The following DTWD2 variants were observed in gnomAD, a reference collection of about 807,000 sequenced individuals.
DTWD2 encodes tRNA-uridine aminocarboxypropyltransferase 2.
Under a neutral mutation model 31.8 loss-of-function variants are expected in DTWD2, and 39 were observed. That is an observed-to-expected ratio of 1.22 (90% CI 0.95 to 1.60). The LOEUF is 1.60. DTWD2 is among the 40% of genes most tolerant of loss of function. The pLI, the probability that DTWD2 is intolerant of heterozygous loss-of-function variation, is 0.00. For synonymous variants in DTWD2, 180 were observed against 142.8 expected, an observed-to-expected ratio of 1.26 and a Z score of -1.86; for missense variants, 515 against 381.5, an observed-to-expected ratio of 1.35 and a Z score of -2.92.
chr5:118,988,543 A>T lies in DTWD2; in HGVS notation c.-32T>A. 7 of 1,477,586 alleles carry T rather than the reference A, an allele frequency of 4.7e-6. No individual in the cohort carries two copies. The highest frequency in any genetic ancestry group is 6.3e-6 in the Non-Finnish European group (7 of 1,117,124). The allele number at this position is 1,477,586 out of a possible 1,614,324, so 91.5% of individuals were successfully genotyped here. On this transcript the variant is annotated 5_prime_UTR_variant, in exon 1 of 6. Transcript: ENST00000510708. ...CACTCCGGTCAGGCCGTGGCATTGA[A>T]GCCCGGCTGCCGCCGGGGGGCGCCA...
chr5:118,973,531 G>A (rs949283134), intron 1 of DTWD2, among the ~76,000 whole-genome samples: 1 of 152,116 alleles, frequency 6.6e-6, no homozygotes. Context: ...TTTGGCTGGA[G>A]ATGAAATTCT....
chr5:118,925,009 T>C (rs1753779492), intron 4 of DTWD2, among the ~76,000 whole-genome samples: 1 of 152,200 alleles, frequency 6.6e-6, no homozygotes, highest in Non-Finnish European at 1.5e-5. Context: ...TTTTTTAGAA[T>C]TGTGTTATGT....
rs764449614 is a variant in DTWD2, at chr5:118,988,260, C to G, written c.218+34G>C. 1.3e-4 allele frequency: 203 copies of G among 1,530,322 alleles called. 1 individual carries two copies. In the East Asian group the frequency reaches 2.2e-3, roughly 16 times the overall value. 94.8% of individuals were successfully genotyped at this position (1,530,322 alleles called of 1,614,324 possible). A position where few individuals can be genotyped will look rare whatever the true frequency, so the allele number is the denominator to read the frequency against. ...CGCACCCTCCTCCGAAGGCCGCTGC[C>G]GGCTGCAGTCCCCGCCCCCAGCCCC... is the stretch of plus-strand genomic sequence containing the variant. On this transcript the variant is annotated intron_variant, in intron 1 of 5. Coordinates refer to ENST00000510708, the MANE Select transcript of DTWD2 (RefSeq NM_173666.4).
chr5:118,944,372 T>C (rs1373217935), intron 2 of DTWD2, among the ~76,000 whole-genome samples, 187 bp downstream of exon 2: 1 of 152,226 alleles, frequency 6.6e-6, no homozygotes, highest in Admixed American at 6.5e-5. Context: ...TATCTCTCTC[T>C]AGAGCATAAG....
chr5:118,963,401 G>C (rs1218265929), intron 1 of DTWD2, among the ~76,000 whole-genome samples: 1 of 152,190 alleles, frequency 6.6e-6, no homozygotes, highest in Non-Finnish European at 1.5e-5. Context: ...AAAAGCACCT[G>C]TTTTGGGGGA....
chr5:118,915,211 G>A (rs1161528071), intron 4 of DTWD2, among the ~76,000 whole-genome samples: 1 of 151,862 alleles, frequency 6.6e-6, no homozygotes, highest in African/African-American at 2.4e-5. Flanking sequence ...GTGAGACTCT[G>A]TCTCAAAAAA....
intron 1 of DTWD2, among the ~76,000 whole-genome samples, chr5:118,967,512 A>G (rs1754880195): frequency 6.6e-6 from 1 of 152,222 alleles, no homozygotes; most frequent in Admixed American, 6.5e-5. Flanking sequence ...TTACAGTGTC[A>G]GAAAGTAAGA....
intron 1 of DTWD2, among the ~76,000 whole-genome samples, chr5:118,973,061 A>C (rs1755025101): frequency 3.3e-5 from 5 of 149,612 alleles, no homozygotes; most frequent in Admixed American, 3.3e-4. Flanking sequence ...TTTTATCAGA[A>C]ACTAGGATTG....
chr5:118,851,736 G>A (rs796237035), intron 4 of DTWD2, among the ~76,000 whole-genome samples: 5 of 151,014 alleles, frequency 3.3e-5, no homozygotes, highest in African/African-American at 1.2e-4. Flanking sequence ...TACACCTAAT[G>A]TTAAATGATG....
At position 118,837,755 on chromosome 5, in the gene DTWD2, T is replaced by A. The variant is rs1316469124; in HGVS notation, c.*3162A>T. ...CATCTCCACAAAAATTAAATGAAAT[T>A]AGTAAAATTTAAAATTAGCTGAGTG... is the stretch of plus-strand genomic sequence containing the variant. On this transcript the variant is annotated 3_prime_UTR_variant, in exon 6 of 6. Coordinates refer to ENST00000510708, the MANE Select transcript of DTWD2 (RefSeq NM_173666.4). The A allele has an allele frequency of 6.6e-6, 1 of 151,976 alleles. No homozygotes were observed. Among genetic ancestry groups the A allele is most frequent in the African/African-American group, 2.4e-5 (1 of 41,378 alleles). 9.4% of individuals were successfully genotyped at this position (151,976 alleles called of 1,614,324 possible). A position where few individuals can be genotyped will look rare whatever the true frequency, so the allele number is the denominator to read the frequency against.
At chr5:118,965,326 C>A (rs1754813250) in intron 1 of DTWD2, among the ~76,000 whole-genome samples, 1 of 149,850 alleles carries the variant, frequency 6.7e-6, no homozygotes, top group African/African-American at 2.5e-5. Context: ...CTCCGCTCAG[C>A]CGCCACCCCG....
intron 4 of DTWD2, among the ~76,000 whole-genome samples, chr5:118,911,676 T>TAC (rs748757438): frequency 4.6e-5 from 7 of 152,008 alleles, no homozygotes; most frequent in Non-Finnish European, 1.0e-4. Flanking sequence ...CACACACATA[T>TAC]ACACACACAC....
chr5:118,940,756 G>T (rs1580424102), intron 2 of DTWD2, among the ~76,000 whole-genome samples: 1 of 152,150 alleles, frequency 6.6e-6, no homozygotes, highest in African/African-American at 2.4e-5. Flanking sequence ...GAACTATTAA[G>T]AATTTGAACT....
chr5:118,923,488 A>G (rs1357011504), intron 4 of DTWD2, among the ~76,000 whole-genome samples: 1 of 152,206 alleles, frequency 6.6e-6, no homozygotes, highest in Non-Finnish European at 1.5e-5. Flanking sequence ...GCAACTTGCT[A>G]AACACACTGC....
chr5:118,865,467 A>G (rs1275844395), intron 4 of DTWD2, among the ~76,000 whole-genome samples: 1 of 152,180 alleles, frequency 6.6e-6, no homozygotes. Flanking sequence ...AAAAAGAATC[A>G]TACATATAAA....
At chr5:118,984,146 C>T (rs1334550389) in intron 1 of DTWD2, among the ~76,000 whole-genome samples, 3 of 152,100 alleles carry the variant, frequency 2.0e-5, no homozygotes, top group Non-Finnish European at 4.4e-5. Flanking sequence ...ATTAGTGAGG[C>T]GTGGTGGTGA....
At chr5:118,946,762 A>C (rs541245702) in intron 1 of DTWD2, among the ~76,000 whole-genome samples, 177 of 152,242 alleles carry the variant, frequency 1.2e-3, no homozygotes, top group African/African-American at 3.7e-3. Flanking sequence ...ACAAAAAAAA[A>C]CAGAATCTCA....
chr5:118,944,961 T>C (rs879822213), intron 1 of DTWD2, among the ~76,000 whole-genome samples: 10 of 152,194 alleles, frequency 6.6e-5, no homozygotes, highest in Middle Eastern at 3.2e-3. Flanking sequence ...ACACTTCTGA[T>C]TTGCATTCCA....
At chr5:118,962,778 AT>A (rs1215424813) in intron 1 of DTWD2, among the ~76,000 whole-genome samples, 1 of 152,220 alleles carries the variant, frequency 6.6e-6, no homozygotes, top group African/African-American at 2.4e-5. Flanking sequence ...AGGAGGTAGT[AT>A]TTTTAGCCTA....
Sources: allele counts gnomAD v4.1 joint callset (sites outside exome capture counted in the v4.1 genomes callset), GRCh38; gene constraint gnomAD v4.1.1; transcripts MANE v1.5; gene names NCBI Gene and HGNC (gene_info 2026-07-23, HGNC 2026-07-21).